DOCK1: variants seen among roughly 807,000 people sequenced by gnomAD.
DOCK1 encodes dedicator of cytokinesis 1.
A neutral mutation model predicts 262.7 loss-of-function variants in DOCK1; 138 were observed. That is an observed-to-expected ratio of 0.53 (90% confidence interval 0.46 to 0.61). DOCK1 has a LOEUF of 0.61. Ranked by LOEUF, DOCK1 falls within the 20% of genes least tolerant of loss-of-function variation. DOCK1 has a pLI of 0.00. For synonymous variants in DOCK1, 866 were observed against 867.4 expected, an observed-to-expected ratio of 1.00 and a Z score of 0.03; for missense variants, 1,908 against 2,370.7, an observed-to-expected ratio of 0.80 and a Z score of 4.05.
At chr10:127,106,871 G>A (rs539872533) in intron 24 of DOCK1, among the ~76,000 whole-genome samples, 17 of 152,298 alleles carry the variant, frequency 1.1e-4, no homozygotes, top group Non-Finnish European at 1.6e-4. Flanking sequence ...CCGCCTCTCA[G>A]TGGCCAGGTG....
intron 27 of DOCK1, among the ~76,000 whole-genome samples, chr10:127,190,822 C>A (rs1216494405): frequency 6.6e-6 from 1 of 151,896 alleles, no homozygotes; most frequent in East Asian, 1.9e-4. Flanking sequence ...CTCATAGCTG[C>A]CCCCTAACTT....
At chr10:127,224,498 G>T (rs1169877671) in intron 27 of DOCK1, among the ~76,000 whole-genome samples, 3 of 151,908 alleles carry the variant, frequency 2.0e-5, no homozygotes, top group Non-Finnish European at 4.4e-5. Flanking sequence ...GGAGGAGGTT[G>T]CAGTGAGCCA....
At chr10:127,108,662 G>C (rs777708711) in intron 24 of DOCK1, among the ~76,000 whole-genome samples, 5 of 152,148 alleles carry the variant, frequency 3.3e-5, no homozygotes, top group Admixed American at 6.5e-5. Flanking sequence ...CCCATGCCAC[G>C]AGGGCATCTT....
At chr10:127,080,868 C>G (rs1043775034) in intron 23 of DOCK1, among the ~76,000 whole-genome samples, 1 of 152,148 alleles carries the variant, frequency 6.6e-6, no homozygotes, top group Non-Finnish European at 1.5e-5. Context: ...TGCCTCTGTA[C>G]TCTCCGCCCC....
At chr10:127,391,277 G>A (rs1369657917) in intron 38 of DOCK1, among the ~76,000 whole-genome samples, 3 of 152,118 alleles carry the variant, frequency 2.0e-5, no homozygotes, top group South Asian at 2.1e-4. Context: ...TCAAGACTAC[G>A]GCAGTTACCA....
At chr10:127,122,623 A>G (rs1312777416) in intron 25 of DOCK1, among the ~76,000 whole-genome samples, 4 of 114,716 alleles carry the variant, frequency 3.5e-5, no homozygotes, top group South Asian at 3.9e-4. Context: ...CAGGATGGTT[A>G]TAACAATTTT....
intron 23 of DOCK1, among the ~76,000 whole-genome samples, chr10:127,075,702 TCTCATGAGAA>T (rs1407228719): frequency 6.6e-6 from 1 of 151,866 alleles, no homozygotes; most frequent in African/African-American, 2.4e-5. Context: ...AACCATCAGA[TCTCATGAGAA>T]CTCACTGTCA....
At chr10:126,945,559 AT>A (rs1213611047) in intron 1 of DOCK1, among the ~76,000 whole-genome samples, 4 of 152,102 alleles carry the variant, frequency 2.6e-5, no homozygotes, top group African/African-American at 9.7e-5. Flanking sequence ...CACTGGCAGT[AT>A]TTTATTGGCT....
intron 27 of DOCK1, among the ~76,000 whole-genome samples, chr10:127,216,718 A>G (rs147804751): frequency 6.6e-6 from 1 of 152,340 alleles, no homozygotes; most frequent in Non-Finnish European, 1.5e-5. Flanking sequence ...CATATCTCAA[A>G]GTACCCTTTA....
At chr10:126,952,996 TGTA>T (rs2036438359) in intron 1 of DOCK1, among the ~76,000 whole-genome samples, 2 of 151,214 alleles carry the variant, frequency 1.3e-5, no homozygotes, top group Non-Finnish European at 2.9e-5. Flanking sequence ...TAGTTAGTGA[TGTA>T]GTGTTGGTGG....
intron 33 of DOCK1, among the ~76,000 whole-genome samples, chr10:127,363,024 C>CAG (rs35518989): frequency 1.3e-5 from 1 of 75,526 alleles, no homozygotes; most frequent in Non-Finnish European, 2.4e-5. Context: ...CACACACACA[C>CAG]ACACATGCAC....
chr10:127,401,374 G>C (rs2067216494), intron 38 of DOCK1, among the ~76,000 whole-genome samples: 2 of 152,208 alleles, frequency 1.3e-5, no homozygotes, highest in Admixed American at 1.3e-4. Flanking sequence ...GCAAGTTTCA[G>C]AGCAGGAGTG....
intron 29 of DOCK1, among the ~76,000 whole-genome samples, chr10:127,284,383 C>T (rs994197717): frequency 6.6e-6 from 1 of 151,906 alleles, no homozygotes; most frequent in Non-Finnish European, 1.5e-5. Context: ...ATTTGATAGA[C>T]CATTTTAGGT....
At chr10:127,398,541 G>C (rs2067048233) in intron 38 of DOCK1, among the ~76,000 whole-genome samples, 1 of 152,196 alleles carries the variant, frequency 6.6e-6, no homozygotes, top group African/African-American at 2.4e-5. Context: ...TTCCGCACCA[G>C]TGATTTTAAT....
intron 27 of DOCK1, among the ~76,000 whole-genome samples, chr10:127,172,957 T>C (rs2054720535): frequency 6.6e-6 from 1 of 152,140 alleles, no homozygotes; most frequent in Non-Finnish European, 1.5e-5. Context: ...CAATTGTCAT[T>C]GAGTTTGAAT....
chr10:127,209,699 A>G (rs973655251), intron 27 of DOCK1, among the ~76,000 whole-genome samples: 1 of 152,358 alleles, frequency 6.6e-6, no homozygotes. Flanking sequence ...AATGATTCAC[A>G]TCAGTAGGTG....
intron 1 of DOCK1, among the ~76,000 whole-genome samples, chr10:126,958,072 C>G (rs1424934980): frequency 6.6e-6 from 1 of 152,092 alleles, no homozygotes; most frequent in Non-Finnish European, 1.5e-5. Context: ...GAAAAATCTC[C>G]TAGAGAGGGG....
At position 126,996,873 on chromosome 10, in the gene DOCK1, A is replaced by G. The variant is rs779660796; in HGVS notation, c.599A>G (p.Gln200Arg). The G allele has an allele frequency of 1.3e-6, 2 of 1,596,296 alleles. No homozygotes were observed. The highest frequency in any genetic ancestry group is 2.7e-5 in the African/African-American group (2 of 73,714). ...TCTAAACAAGTGGAGGAAAGGTTAC[A>G]AGAGGAAAAAGTAAGTTTGACTCTG... The part of the protein sequence containing the change: ...IASKQVEERL[Q>R]EEKSQKQNID... Residue 200 changes from glutamine (Q) to arginine (R), a missense_variant, in exon 7 of 52, where the codon CAA becomes CGA. Physicochemically the swap from Gln to Arg is conservative, Grantham distance 43. Transcript: ENST00000623213.
intron 2 of DOCK1, among the ~76,000 whole-genome samples, chr10:126,975,987 C>T (rs955970560): frequency 6.6e-5 from 10 of 152,064 alleles, no homozygotes; most frequent in Non-Finnish European, 1.2e-4. Flanking sequence ...TATTCTAAGA[C>T]GTTAATCTTT....
Sources: gnomAD v4.1 joint callset for allele counts (sites outside exome capture counted in the v4.1 genomes callset) on GRCh38, gnomAD v4.1.1 for gene constraint, MANE v1.5 for transcripts, NCBI Gene and HGNC (gene_info 2026-07-23, HGNC 2026-07-21) for gene names.